Variants in FIG4 observed in about 807,000 individuals in gnomAD.
FIG4 encodes the protein FIG4 phosphoinositide 5-phosphatase, also known as polyphosphoinositide phosphatase.
In FIG4, 112 loss-of-function variants were observed where a neutral mutation model predicts 118.6. The ratio of observed to expected loss-of-function variants is 0.94; its 90% CI spans 0.81 to 1.11. The LOEUF is 1.11. FIG4 is among the 50% of genes least tolerant of loss of function. The pLI is 0.00. For synonymous variants in FIG4, 369 were observed against 381.2 expected (o/e 0.97, Z 0.37); for missense variants, 969 against 1,111.7 (o/e 0.87, Z 1.83).
chr6:109,742,116 T>C (rs1443702427), intron 8 of FIG4, among the ~76,000 whole-genome samples: 4 of 152,016 alleles, frequency 2.6e-5, no homozygotes, highest in African/African-American at 7.2e-5. Context: ...AATTATAAAA[T>C]GTCTAATGTT....
chr6:109,722,345 C>T (rs997336066), intron 3 of FIG4, among the ~76,000 whole-genome samples: 2 of 152,008 alleles, frequency 1.3e-5, no homozygotes, highest in African/African-American at 4.8e-5. Flanking sequence ...ATTCTTGAGG[C>T]ATCTTTCCAT....
intron 19 of FIG4, among the ~76,000 whole-genome samples, chr6:109,790,183 G>T (rs1778098353): frequency 6.6e-6 from 1 of 151,956 alleles, no homozygotes; most frequent in African/African-American, 2.4e-5. Flanking sequence ...CCTGGCATGA[G>T]AACCTCTTTC....
At chr6:109,741,668 A>C in intron 8 of FIG4, 124 bp downstream of exon 8, 1 of 752,228 alleles carries the variant, frequency 1.3e-6, no homozygotes, top group Non-Finnish European at 2.4e-6. Flanking sequence ...AAGAGAATAC[A>C]GTTGCCTTTT....
intron 22 of FIG4, among the ~76,000 whole-genome samples, chr6:109,808,670 A>G (rs889667398): frequency 6.6e-6 from 1 of 152,132 alleles, no homozygotes; most frequent in East Asian, 1.9e-4. Flanking sequence ...CAGACAAACT[A>G]TGTTTCTTTG....
intron 1 of FIG4, among the ~76,000 whole-genome samples, chr6:109,701,220 A>G (rs1774896655): frequency 6.6e-6 from 1 of 152,142 alleles, no homozygotes; most frequent in Non-Finnish European, 1.5e-5. Flanking sequence ...CCTTTCCCAA[A>G]CTAACCTATT....
chr6:109,707,671 G>T (rs1707014899), intron 1 of FIG4, among the ~76,000 whole-genome samples: 4 of 151,690 alleles, frequency 2.6e-5, no homozygotes, highest in African/African-American at 9.7e-5. Context: ...GATTTCCTAT[G>T]GTCTACATGC....
At chr6:109,771,129 G>C (rs1186406018) in intron 15 of FIG4, among the ~76,000 whole-genome samples, 1 of 152,202 alleles carries the variant, frequency 6.6e-6, no homozygotes, top group Non-Finnish European at 1.5e-5. Flanking sequence ...AAATAAAACA[G>C]TTGGAAAAAT....
intron 5 of FIG4, 73 bp downstream of exon 5, chr6:109,732,760 AATGAGAAC>A: frequency 1.1e-6 from 1 of 884,326 alleles, no homozygotes; most frequent in South Asian, 1.4e-5. Flanking sequence ...GTAAAAGCAG[AATGAGAAC>A]ATAGTAGTAC....
intron 1 of FIG4, among the ~76,000 whole-genome samples, chr6:109,694,387 G>A (rs1166924306): frequency 1.3e-5 from 2 of 152,268 alleles, no homozygotes; most frequent in Admixed American, 6.5e-5. Context: ...GGATATCCAT[G>A]TGCAGAATGA....
At chr6:109,795,014 C>T (rs980956893) in intron 21 of FIG4, among the ~76,000 whole-genome samples, 4 of 150,484 alleles carry the variant, frequency 2.7e-5, no homozygotes, top group African/African-American at 9.7e-5. Flanking sequence ...TTTCCCTCAC[C>T]TTTTCTAGTA....
At chr6:109,775,169 T>G (rs1376471973) in intron 15 of FIG4, among the ~76,000 whole-genome samples, 1 of 152,142 alleles carries the variant, frequency 6.6e-6, no homozygotes, top group African/African-American at 2.4e-5. Flanking sequence ...GCCTACCAGT[T>G]TTAAACCCTT....
intron 7 of FIG4, 38 bp from the exon 8 acceptor site, chr6:109,741,406 A>G (rs751037925): frequency 2.4e-6 from 3 of 1,242,318 alleles, no homozygotes; most frequent in African/African-American, 1.5e-5. Context: ...CTTATGTGAC[A>G]GTCATGAATG....
intron 22 of FIG4, among the ~76,000 whole-genome samples, chr6:109,809,367 T>G (rs1334212800): frequency 6.6e-6 from 1 of 152,234 alleles, no homozygotes; most frequent in Non-Finnish European, 1.5e-5. Context: ...TTATTTTTCA[T>G]TAAGAAGTTG....
At chr6:109,824,892 G>C (rs933892744) in intron 22 of FIG4, among the ~76,000 whole-genome samples, 196 bp from the exon 23 acceptor site, 1 of 152,190 alleles carries the variant, frequency 6.6e-6, no homozygotes, top group Non-Finnish European at 1.5e-5. Flanking sequence ...GGCTCCCAGA[G>C]GTGTTGGTCC....
intron 22 of FIG4, among the ~76,000 whole-genome samples, chr6:109,816,850 G>A (rs1308874872): frequency 1.3e-5 from 2 of 152,234 alleles, no homozygotes; most frequent in African/African-American, 2.4e-5. Context: ...CTATCAGAAC[G>A]CACATGAAGA....
Position 109,691,418 on chromosome 6 carries a change from C to G in FIG4, c.-18C>G. On this transcript the variant is annotated 5_prime_UTR_variant, in exon 1 of 23. Coordinates refer to ENST00000230124, the MANE Select transcript of FIG4 (RefSeq NM_014845.6). The stretch of plus-strand genomic sequence containing the variant: ...CGGAGGCTCGTGCCCTGTTGTGGGG[C>G]CCCCATTTGCCGCCGCCATGCCCAC... The G allele has an allele frequency of 6.4e-7, 1 of 1,566,978 alleles. No homozygotes were observed. The highest frequency in any genetic ancestry group is 8.7e-7 in the Non-Finnish European group (1 of 1,155,280).
intron 3 of FIG4, among the ~76,000 whole-genome samples, chr6:109,722,728 G>T (rs1775648447): frequency 7.6e-6 from 1 of 131,828 alleles, no homozygotes; most frequent in African/African-American, 2.5e-5. Context: ...GAGTGAGTGA[G>T]CTGGGCAGGG....
chr6:109,771,461 C>CTTTTTTTTTTTTT (rs71018367), intron 15 of FIG4, among the ~76,000 whole-genome samples: 1 of 86,000 alleles, frequency 1.2e-5, no homozygotes, highest in Non-Finnish European at 2.1e-5. Context: ...TCCTCTAATT[C>CTTTTTTTTTTTTT]TTTTTTTTTT....
rs539771574 is a variant in FIG4 at position 109,787,712 on chromosome 6, T to C, written c.2096+1263T>C. Among the ~76,000 whole-genome samples, 55 of 152,308 alleles carry C rather than the reference T, an allele frequency of 3.6e-4. No individual in the cohort carries two copies. The South Asian group carries it at 0.011, about 31-fold the overall frequency. ...TAAGTGAGGACTTACTGTAGTTAATTGTGTTTGTGGTAGCTGTGTTCTATA... is the reference window on the plus strand; with the variant it reads ...TAAGTGAGGACTTACTGTAGTTAATCGTGTTTGTGGTAGCTGTGTTCTATA... On this transcript the variant is annotated intron_variant, in intron 18 of 22. Transcript: ENST00000230124.
Sources: allele counts gnomAD v4.1 joint callset (sites outside exome capture counted in the v4.1 genomes callset), GRCh38; gene constraint gnomAD v4.1.1; transcripts MANE v1.5; gene names NCBI Gene and HGNC (gene_info 2026-07-23, HGNC 2026-07-21).